The following MMP26 variants were observed in gnomAD, a reference collection of about 807,000 sequenced individuals.
MMP26 encodes matrix metallopeptidase 26.
In MMP26, 33 loss-of-function variants were observed where a neutral mutation model predicts 31.0. The observed-to-expected ratio is 1.06, with a 90% CI of 0.81 to 1.42. MMP26 has a LOEUF of 1.42. Among genes scored for constraint, MMP26 ranks in the 40% most tolerant of loss-of-function variants. MMP26 has a pLI of 0.00. For missense variants in MMP26, 347 were observed against 316.1 expected, an observed-to-expected ratio of 1.10 and a Z score of -0.74; for synonymous variants, 122 against 114.9, an observed-to-expected ratio of 1.06 and a Z score of -0.40.
chr11:4,981,462 A>G (rs1022312091), intron 2 of MMP26, among the ~76,000 whole-genome samples: 2 of 152,146 alleles, frequency 1.3e-5, no homozygotes, highest in Non-Finnish European at 2.9e-5. Context: ...GTATATCCAA[A>G]CATAAATAAT....
At chr11:4,719,952 G>A (rs1847988652) in intron 1 of MMP26, among the ~76,000 whole-genome samples, 1 of 152,032 alleles carries the variant, frequency 6.6e-6, no homozygotes, top group Admixed American at 6.5e-5. Context: ...CTCTCAAATG[G>A]GAATAAAAAG....
intron 2 of MMP26, among the ~76,000 whole-genome samples, chr11:4,789,464 A>G (rs1207149847): frequency 6.8e-6 from 1 of 147,440 alleles, no homozygotes; most frequent in African/African-American, 2.5e-5. Context: ...AGAGCTACAC[A>G]TGCTAGGTTA....
chr11:4,734,193 A>G (rs536916115), intron 1 of MMP26, among the ~76,000 whole-genome samples: 1 of 152,098 alleles, frequency 6.6e-6, no homozygotes, highest in South Asian at 2.1e-4. Context: ...GTTGGAATGT[A>G]TTTACTCTTC....
intron 2 of MMP26, among the ~76,000 whole-genome samples, chr11:4,904,758 A>G (rs112242670): frequency 0.034 from 5,165 of 152,208 alleles, 125 homozygotes; most frequent in Non-Finnish European, 0.046. Flanking sequence ...GTTGCCAGAG[A>G]AAAAAAGGGA....
chr11:4,821,963 G>A, intron 2 of MMP26: 1 of 1,613,978 alleles, frequency 6.2e-7, no homozygotes, highest in South Asian at 1.1e-5. Context: ...CATTCTTACT[G>A]CTACCATGTT....
intron 1 of MMP26, among the ~76,000 whole-genome samples, chr11:4,733,154 A>G (rs1244609159): frequency 6.6e-6 from 1 of 152,196 alleles, no homozygotes; most frequent in Non-Finnish European, 1.5e-5. Context: ...AAAATTCCAT[A>G]TGTATTTTAG....
intron 2 of MMP26, among the ~76,000 whole-genome samples, chr11:4,816,823 C>T (rs1849427097): frequency 6.7e-6 from 1 of 149,768 alleles, no homozygotes; most frequent in Non-Finnish European, 1.5e-5. Flanking sequence ...CCTGCCTCAG[C>T]CTCCCGAGTA....
intron 2 of MMP26, among the ~76,000 whole-genome samples, chr11:4,872,300 G>A (rs1267158612): frequency 2.6e-5 from 4 of 151,912 alleles, no homozygotes; most frequent in Non-Finnish European, 4.4e-5. Flanking sequence ...TACATTGCTC[G>A]TGTTTTTTAA....
In MMP26 at chr11:4,882,073, C is replaced by A. The variant is rs1484969160; in HGVS notation, c.-144-105995C>A. 11 of 1,613,842 alleles carry A rather than the reference C, an allele frequency of 6.8e-6. 1 individual carries two copies. In the East Asian group the frequency reaches 2.2e-4, roughly 33 times the overall value. On this transcript the variant is annotated intron_variant, in intron 2 of 7. Transcript: ENST00000380390. The stretch of plus-strand genomic sequence containing the variant: ...TCATCATTACTAAGCGGAGACTCCA[C>A]AAACCCATGTATTATTTCCTCTCCA...
chr11:4,917,282 G>GA (rs1240538804), intron 2 of MMP26, among the ~76,000 whole-genome samples: 1 of 151,970 alleles, frequency 6.6e-6, no homozygotes, highest in Non-Finnish European at 1.5e-5. Flanking sequence ...CAGAAGCTTA[G>GA]AAAAAATTAT....
chr11:4,989,737 G>C lies in MMP26; in HGVS notation c.189G>C (p.Arg63=), dbSNP rs1846966206. The C allele has an allele frequency of 6.2e-7, 1 of 1,613,874 alleles. No homozygotes were observed. The highest frequency in any genetic ancestry group is 1.3e-5 in the African/African-American group (1 of 74,896). Residue 63 remains arginine, a synonymous_variant, in exon 4 of 8, where the codon CGG becomes CGC. Transcript: ENST00000380390. ...CACAGCTCCTGCAACAATTCCATCG[G>C]AATGGGACAGACCTACTTGACATGC... ...TQTQLLQQFH[R]NGTDLLDMQM...
At chr11:4,892,658 C>A (rs563201680) in intron 2 of MMP26, among the ~76,000 whole-genome samples, 2 of 152,148 alleles carry the variant, frequency 1.3e-5, no homozygotes, top group Non-Finnish European at 1.5e-5. Context: ...TATTTTTGTT[C>A]TGTGTGAGTG....
At chr11:4,906,994 G>T (rs1289257555) in intron 2 of MMP26, among the ~76,000 whole-genome samples, 1 of 149,806 alleles carries the variant, frequency 6.7e-6, no homozygotes, top group African/African-American at 2.4e-5. Flanking sequence ...TACTTGGGAG[G>T]CTGAGGCAGG....
At chr11:4,725,129 C>T (rs1848081440) in intron 1 of MMP26, among the ~76,000 whole-genome samples, 1 of 152,184 alleles carries the variant, frequency 6.6e-6, no homozygotes, top group South Asian at 2.1e-4. Flanking sequence ...TCCCTTTTGC[C>T]TTCTGCCATG....
chr11:4,766,741 T>C (rs1432997858), intron 1 of MMP26, among the ~76,000 whole-genome samples: 1 of 93,382 alleles, frequency 1.1e-5, no homozygotes, highest in Admixed American at 1.4e-4. Flanking sequence ...TTTTTCATCC[T>C]TTTTCTCTCT....
intron 2 of MMP26, chr11:4,832,800 A>G (rs1849664089): frequency 5.9e-6 from 1 of 169,914 alleles, no homozygotes; most frequent in African/African-American, 2.4e-5. Context: ...GTTCATCCTG[A>G]AGACTGTGTT....
At chr11:4,970,931 T>G (rs1846657866) in intron 2 of MMP26, among the ~76,000 whole-genome samples, 1 of 152,126 alleles carries the variant, frequency 6.6e-6, no homozygotes, top group Admixed American at 6.5e-5. Flanking sequence ...GCATGCGGCC[T>G]GGGGTGAAGG....
chr11:4,826,667 T>C (rs1285788999), intron 2 of MMP26, among the ~76,000 whole-genome samples: 1 of 152,122 alleles, frequency 6.6e-6, no homozygotes, highest in African/African-American at 2.4e-5. Context: ...CTCCTTTCAG[T>C]GTGCCTCCAC....
intron 2 of MMP26, among the ~76,000 whole-genome samples, chr11:4,949,827 A>C (rs1266254587): frequency 2.1e-5 from 2 of 94,942 alleles, no homozygotes; most frequent in Non-Finnish European, 5.0e-5. Context: ...GAGATAAAAC[A>C]CTAAACTTAT....
Sources: allele counts gnomAD v4.1 joint callset (sites outside exome capture counted in the v4.1 genomes callset), GRCh38; gene constraint gnomAD v4.1.1; transcripts MANE v1.5; gene names NCBI Gene and HGNC (gene_info 2026-07-23, HGNC 2026-07-21).